NUDT4: variants seen among roughly 807,000 people sequenced by gnomAD.
NUDT4 encodes the protein nudix hydrolase 4, also known as diphosphoinositol polyphosphate phosphohydrolase 2.
A neutral mutation model predicts 23.1 loss-of-function variants in NUDT4; 5 were observed. The observed-to-expected ratio is 0.22, with a 90% confidence interval of 0.11 to 0.46. NUDT4 has a LOEUF of 0.46. NUDT4 is among the 20% of genes least tolerant of loss of function. NUDT4 has a pLI of 0.99. For missense variants in NUDT4, 96 were observed against 211.6 expected, an observed-to-expected ratio of 0.45 and a Z score of 3.39; for synonymous variants, 50 against 79.0, an observed-to-expected ratio of 0.63 and a Z score of 1.95.
intron 1 of NUDT4, among the ~76,000 whole-genome samples, chr12:93,389,202 G>A (rs961710453): frequency 3.9e-5 from 6 of 152,118 alleles, no homozygotes; most frequent in Non-Finnish European, 7.3e-5. Flanking sequence ...GCTGGGTGTG[G>A]TGGCTCATGC....
rs1419277554 is a variant in NUDT4, at chr12:93,400,007, T to TA, written c.*629dup. 9 of 108,530 alleles carry TA rather than the reference T, an allele frequency of 8.3e-5. 3 individuals are homozygous for TA. Among genetic ancestry groups the TA allele is most frequent in the Admixed American group, 5.7e-4 (6 of 10,560 alleles). The allele number at this position is 108,530 out of a possible 1,614,324, so 6.7% of individuals were successfully genotyped here. On this transcript the variant is annotated 3_prime_UTR_variant, in exon 5 of 5. Coordinates refer to ENST00000415493, the MANE Select transcript of NUDT4 (RefSeq NM_019094.6). ...TGGTATTATGTCACTAGCTACCTGA[T>TA]ACGGCTATTTCCCTTATAACTCAAT...
intron 2 of NUDT4, 95 bp downstream of exon 2, chr12:93,394,814 C>G: frequency 1.5e-6 from 1 of 661,966 alleles, no homozygotes. Context: ...TCCAGGAGTG[C>G]TTTTTGCCTG....
chr12:93,378,136 C>A lies in NUDT4; in HGVS notation c.-187C>A, dbSNP rs112518318. ...CAGTGACCCGCGCTAGCGTCCCGTC[C>A]CGCCCGCGTCGGAGCGGCCGCCGGC... On this transcript the variant is annotated 5_prime_UTR_variant, in exon 1 of 5. Transcript: ENST00000415493. 3.7e-6 allele frequency: 1 copy of A among 266,860 alleles called. No individual in the cohort carries two copies. Among genetic ancestry groups the A allele is most frequent in the Non-Finnish European group, 7.0e-6 (1 of 142,154 alleles). 16.5% of individuals were successfully genotyped at this position (266,860 alleles called of 1,614,324 possible). A position where few individuals can be genotyped will look rare whatever the true frequency, so the allele number is the denominator to read the frequency against.
Position 93,398,756 on chromosome 12 carries a change from T to C in NUDT4, c.256-15T>C. The stretch of plus-strand genomic sequence containing the variant: ...TCCTGTAGATTAAAATGCATTTCTT[T>C]TTATATTCAAGCAGAACCAAGACCG... On this transcript the variant is annotated splice_polypyrimidine_tract_variant and intron_variant, in intron 3 of 4. Transcript: ENST00000415493. 6.4e-7 allele frequency: 1 copy of C among 1,573,624 alleles called. No individual in the cohort carries two copies. The highest frequency in any genetic ancestry group is 8.7e-7 in the Non-Finnish European group (1 of 1,150,336).
At position 93,399,740 on chromosome 12, in the gene NUDT4, A is replaced by T. The variant is rs1877241534; in HGVS notation, c.*361A>T. ...GATTACTTGTGGGTATACCTACCCC[A>T]AAATTGTTTTCTCATTCACAGCATT... On this transcript the variant is annotated 3_prime_UTR_variant, in exon 5 of 5. Coordinates refer to ENST00000415493, the MANE Select transcript of NUDT4 (RefSeq NM_019094.6). 6.2e-6 allele frequency: 1 copy of T among 162,000 alleles called. No homozygotes were observed. 10.0% of individuals were successfully genotyped at this position (162,000 alleles called of 1,614,324 possible).
intron 1 of NUDT4, among the ~76,000 whole-genome samples, chr12:93,392,168 CCA>C (rs1317049566): frequency 6.6e-6 from 1 of 151,784 alleles, no homozygotes; most frequent in African/African-American, 2.4e-5. Flanking sequence ...TAGGCATGAG[CCA>C]CCACGCTCAC....
At chr12:93,393,523 G>C (rs918636144) in intron 1 of NUDT4, among the ~76,000 whole-genome samples, 1 of 152,170 alleles carries the variant, frequency 6.6e-6, no homozygotes, top group Admixed American at 6.5e-5. Flanking sequence ...TGACTCTGCT[G>C]TTGCATCATT....
chr12:93,393,108 T>TC (rs1555194022), intron 1 of NUDT4, among the ~76,000 whole-genome samples: 79 of 133,590 alleles, frequency 5.9e-4, no homozygotes, highest in East Asian at 1.4e-3. Flanking sequence ...TTTTTTTTTT[T>TC]CCCCGAGATG....
intron 3 of NUDT4, among the ~76,000 whole-genome samples, chr12:93,398,520 A>G (rs1877105945): frequency 6.6e-6 from 1 of 152,082 alleles, no homozygotes; most frequent in African/African-American, 2.4e-5. Context: ...TCTACAAAAA[A>G]AGTAGTATTG....
At chr12:93,389,603 T>G (rs1024408283) in intron 1 of NUDT4, among the ~76,000 whole-genome samples, 7 of 152,034 alleles carry the variant, frequency 4.6e-5, no homozygotes, top group Admixed American at 3.9e-4. Context: ...GCAGGATTGG[T>G]TTTAAATCTG....
At chr12:93,393,435 G>A (rs1876705723) in intron 1 of NUDT4, among the ~76,000 whole-genome samples, 1 of 151,914 alleles carries the variant, frequency 6.6e-6, no homozygotes, top group Admixed American at 6.6e-5. Context: ...CTTGGTAAGG[G>A]GTCCATAGAC....
intron 1 of NUDT4, among the ~76,000 whole-genome samples, chr12:93,390,629 C>T (rs1255562882): frequency 6.6e-6 from 1 of 151,708 alleles, no homozygotes; most frequent in Non-Finnish European, 1.5e-5. Flanking sequence ...TTTTTTGAGA[C>T]AGTCTCATTC....
chr12:93,386,392 C>T (rs1279269766), intron 1 of NUDT4, among the ~76,000 whole-genome samples: 1 of 152,002 alleles, frequency 6.6e-6, no homozygotes, highest in African/African-American at 2.4e-5. Context: ...GCCTGGCCAA[C>T]ATGGTGAAAC....
chr12:93,380,444 C>T (rs1392970190), intron 1 of NUDT4, among the ~76,000 whole-genome samples: 2 of 152,006 alleles, frequency 1.3e-5, no homozygotes, highest in Admixed American at 6.6e-5. Context: ...TCAAGAGACC[C>T]GTGTCATTAG....
intron 1 of NUDT4, 124 bp downstream of exon 1, chr12:93,378,545 C>T (rs1592710212): frequency 7.6e-7 from 1 of 1,309,520 alleles, no homozygotes. Context: ...CTTCCTCCCT[C>T]CCTCCTTTCC....
rs1345064569 is a variant in NUDT4, at chr12:93,402,168, T to C, written c.*2789T>C. On this transcript the variant is annotated 3_prime_UTR_variant, in exon 5 of 5. Transcript: ENST00000415493. ...AAGCAGCAGAACTGAAGGGGAAAAATGATTGTTGTATACACTGAATTGCTT... is the reference window on the plus strand; with the variant it reads ...AAGCAGCAGAACTGAAGGGGAAAAACGATTGTTGTATACACTGAATTGCTT... The C allele has an allele frequency of 6.6e-6, 1 of 151,894 alleles. No homozygotes were observed. Among genetic ancestry groups the C allele is most frequent in the African/African-American group, 2.4e-5 (1 of 41,514 alleles). 9.4% of individuals were successfully genotyped at this position (151,894 alleles called of 1,614,324 possible).
chr12:93,382,581 T>G (rs1160924807), intron 1 of NUDT4, among the ~76,000 whole-genome samples: 1 of 151,994 alleles, frequency 6.6e-6, no homozygotes, highest in Non-Finnish European at 1.5e-5. Context: ...ACACATACTC[T>G]GGGGCTCATA....
intron 1 of NUDT4, 131 bp from the exon 2 acceptor site, chr12:93,394,478 C>A: frequency 1.9e-6 from 1 of 516,580 alleles, no homozygotes. Flanking sequence ...AATGCGTACC[C>A]CCTAATTTTA....
intron 1 of NUDT4, among the ~76,000 whole-genome samples, chr12:93,393,356 G>GCCTCCTAAAGTGC (rs1208306136): frequency 1.3e-5 from 2 of 151,940 alleles, no homozygotes; most frequent in African/African-American, 4.8e-5. Flanking sequence ...GCCCACCTCG[G>GCCTCCTAAAGTGC]CCTCCTAAAG....
Sources: allele counts gnomAD v4.1 joint callset (sites outside exome capture counted in the v4.1 genomes callset), GRCh38; gene constraint gnomAD v4.1.1; transcripts MANE v1.5; gene names NCBI Gene and HGNC (gene_info 2026-07-23, HGNC 2026-07-21).